Variants in NSF observed in about 807,000 individuals in gnomAD.
NSF encodes the protein vesicle-fusing ATPase.
NSF carries 14 observed loss-of-function variants against 50.3 expected under a neutral mutation model. That is an observed-to-expected ratio of 0.28 (90% confidence interval 0.18 to 0.44). NSF has a LOEUF of 0.44. Ranked by LOEUF, NSF falls within the 20% of genes least tolerant of loss-of-function variation. The probability of loss-of-function intolerance (pLI) is 1.00; values close to 1 mark genes in which losing one functional copy is unlikely to be tolerated. For synonymous variants in NSF, 109 were observed against 175.7 expected, an observed-to-expected ratio of 0.62 and a Z score of 3.00; for missense variants, 218 against 504.3, an observed-to-expected ratio of 0.43 and a Z score of 5.44.
intron 13 of NSF, among the ~76,000 whole-genome samples, chr17:46,710,574 G>A (rs2058709667): frequency 6.6e-6 from 1 of 152,172 alleles, no homozygotes; most frequent in Non-Finnish European, 1.5e-5. Flanking sequence ...TGTTAAGGTA[G>A]CATATTTGTC....
chr17:46,620,486 G>A (rs867607077), intron 1 of NSF, among the ~76,000 whole-genome samples: 1 of 14 alleles, frequency 0.071, no homozygotes, highest in African/African-American at 0.1. Flanking sequence ...CACCACGCCC[G>A]GCTAATTTTT....
chr17:46,728,913 A>C lies in NSF; in HGVS notation c.1887A>C (p.Leu629Phe). Residue 629 changes from leucine to phenylalanine, a missense_variant, in exon 17 of 21, where the codon TTA becomes TTC. Leu to Phe is a conservative substitution (Grantham distance 22). Coordinates refer to ENST00000398238, the MANE Select transcript of NSF (RefSeq NM_006178.4). ...TTGTATTACAGGCTCTTCTCGTTTT[A>C]CTGAAAAAGGCACCTCCTCAGGTAA... Reference protein sequence around the residue: ...SNLVLQALLVLLKKAPPQGRK... With the variant: ...SNLVLQALLVFLKKAPPQGRK... The C allele has an allele frequency of 6.2e-7, 1 of 1,606,690 alleles. No individual in the cohort carries two copies. Among genetic ancestry groups the C allele is most frequent in the Admixed American group, 1.7e-5 (1 of 59,404 alleles).
intron 8 of NSF, among the ~76,000 whole-genome samples, chr17:46,659,724 A>G (rs2058284776): frequency 1.4e-5 from 2 of 144,282 alleles, no homozygotes; most frequent in South Asian, 2.1e-4. Context: ...TCACTCCCAG[A>G]CAACAAGCCT....
intron 17 of NSF, among the ~76,000 whole-genome samples, chr17:46,747,477 G>T (rs1049252303): frequency 1.3e-5 from 2 of 151,922 alleles, no homozygotes; most frequent in Non-Finnish European, 2.9e-5. Context: ...ATGAGGTTTC[G>T]CCATGTTACC....
chr17:46,734,115 G>T (rs1568052932), intron 17 of NSF, among the ~76,000 whole-genome samples: 1 of 152,104 alleles, frequency 6.6e-6, no homozygotes, highest in South Asian at 2.1e-4. Flanking sequence ...TTCAGATATG[G>T]TTATAGGACA....
At chr17:46,741,418 A>G (rs2059070603) in intron 17 of NSF, among the ~76,000 whole-genome samples, 1 of 152,006 alleles carries the variant, frequency 6.6e-6, no homozygotes, top group Non-Finnish European at 1.5e-5. Context: ...TCCCCCCCTT[A>G]TTGTCTTCTG....
chr17:46,718,161 G>GT (rs1327843597), intron 15 of NSF, among the ~76,000 whole-genome samples: 1 of 152,180 alleles, frequency 6.6e-6, no homozygotes, highest in African/African-American at 2.4e-5. Flanking sequence ...GCTGGTTCCG[G>GT]TCTCCAGAGA....
chr17:46,713,566 CA>C (rs1447938776), intron 14 of NSF, among the ~76,000 whole-genome samples: 7 of 152,096 alleles, frequency 4.6e-5, no homozygotes, highest in African/African-American at 1.4e-4. Flanking sequence ...TTTTAAGAAG[CA>C]AAACCCTTAC....
intron 19 of NSF, among the ~76,000 whole-genome samples, chr17:46,754,661 G>T (rs774425868): frequency 6.6e-6 from 1 of 152,146 alleles, no homozygotes; most frequent in Admixed American, 6.5e-5. Context: ...TAATAATAAC[G>T]ACCTGAACGA....
intron 8 of NSF, among the ~76,000 whole-genome samples, chr17:46,657,420 G>C (rs1427106259): frequency 6.6e-6 from 1 of 152,158 alleles, no homozygotes; most frequent in Non-Finnish European, 1.5e-5. Context: ...GTCTAGTTTT[G>C]GATTTGTCAT....
intron 4 of NSF, among the ~76,000 whole-genome samples, chr17:46,635,728 T>C (rs1330464796): frequency 5.9e-5 from 7 of 118,434 alleles, no homozygotes; most frequent in Non-Finnish European, 1.9e-5. Flanking sequence ...TAAGGGGCCA[T>C]TGGTAAATTT....
At chr17:46,742,605 G>C (rs1292197530) in intron 17 of NSF, among the ~76,000 whole-genome samples, 1 of 152,200 alleles carries the variant, frequency 6.6e-6, no homozygotes, top group African/African-American at 2.4e-5. Context: ...ATGGAGGTAT[G>C]TGGGGATTGA....
intron 13 of NSF, 127 bp from the exon 14 acceptor site, chr17:46,710,836 C>T: frequency 1.2e-6 from 1 of 803,384 alleles, no homozygotes; most frequent in Non-Finnish European, 1.8e-6. Flanking sequence ...TTTTGCTTTC[C>T]AGGCTTTTTA....
At chr17:46,734,691 CATAG>C (rs763085287) in intron 17 of NSF, among the ~76,000 whole-genome samples, 3 of 152,030 alleles carry the variant, frequency 2.0e-5, no homozygotes, top group African/African-American at 4.8e-5. Context: ...CTGTGGACTA[CATAG>C]ATAGACAGTA....
At chr17:46,713,401 A>T (rs2058737743) in intron 14 of NSF, 1 of 156,308 alleles carries the variant, frequency 6.4e-6, no homozygotes, top group South Asian at 1.9e-4. Context: ...AGAAGGCCTG[A>T]GTCTTTAGAA....
chr17:46,735,996 A>G (rs1002918545), intron 17 of NSF, among the ~76,000 whole-genome samples: 1 of 152,108 alleles, frequency 6.6e-6, no homozygotes, highest in Admixed American at 6.6e-5. Context: ...AGCTTGTAAG[A>G]TAGGAAAACT....
chr17:46,638,751 T>C (rs2058206876), intron 5 of NSF, among the ~76,000 whole-genome samples: 1 of 127,198 alleles, frequency 7.9e-6, no homozygotes, highest in African/African-American at 3.3e-5. Context: ...CAAGTGATCC[T>C]CCCACCTCGG....
chr17:46,733,349 CT>C (rs929429738), intron 17 of NSF, among the ~76,000 whole-genome samples: 2 of 149,146 alleles, frequency 1.3e-5, no homozygotes, highest in African/African-American at 2.5e-5. Context: ...CTGCCACCTT[CT>C]TTTTTTTTTC....
Position 46,756,543 on chromosome 17 carries a change from G to A in NSF, c.*720G>A, listed in dbSNP as rs915791395. 1 of 152,048 alleles carries A rather than the reference G, an allele frequency of 6.6e-6. No homozygotes were observed. The highest frequency in any genetic ancestry group is 2.4e-5 in the African/African-American group (1 of 41,420). 9.4% of individuals were successfully genotyped at this position (152,048 alleles called of 1,614,324 possible). A position where few individuals can be genotyped will look rare whatever the true frequency, so the allele number is the denominator to read the frequency against. On this transcript the variant is annotated 3_prime_UTR_variant, in exon 21 of 21. Transcript: ENST00000398238. The stretch of plus-strand genomic sequence containing the variant: ...TGCTCATTATTACCACTTAGAAGAT[G>A]TTGTTAAAAACATGTGAAAGATAGG...
Sources: allele counts gnomAD v4.1 joint callset (sites outside exome capture counted in the v4.1 genomes callset), GRCh38; gene constraint gnomAD v4.1.1; transcripts MANE v1.5; gene names NCBI Gene and HGNC (gene_info 2026-07-23, HGNC 2026-07-21).